Variants in GPS1 observed in about 807,000 individuals in gnomAD.
GPS1 encodes the protein COP9 signalosome complex subunit 1.
Under a neutral mutation model 60.0 loss-of-function variants are expected in GPS1, and 11 were observed. The ratio of observed to expected loss-of-function variants is 0.18; its 90% CI spans 0.12 to 0.30. The LOEUF (loss-of-function observed/expected upper bound fraction) is 0.30. Among genes scored for constraint, GPS1 ranks in the 10% least tolerant of loss-of-function variants. The pLI, the probability that GPS1 is intolerant of heterozygous loss-of-function variation, is 1.00. For missense variants in GPS1, 543 were observed against 669.2 expected (o/e 0.81, Z 2.08); for synonymous variants, 343 against 269.8 (o/e 1.27, Z -2.66).
upstream of GPS1, chr17:82,051,434 G>C (rs1598473958): frequency 7.3e-7 from 1 of 1,364,224 alleles, no homozygotes; most frequent in East Asian, 3.1e-5. The surrounding 1 kb of genome is among the most constrained non-coding windows in gnomAD (Gnocchi z 4.1). Context: ...CCTGGGCCGG[G>C]CCTAGACCCT....
chr17:82,051,062 A>C, upstream of GPS1: 1 of 1,377,524 alleles, frequency 7.3e-7, no homozygotes, highest in Non-Finnish European at 9.3e-7. This position sits in a 1 kb window ranked among gnomAD's most constrained non-coding sequence, Gnocchi z 4.1. Context: ...GGGACGTGGC[A>C]CTAGCCCCAC....
At chr17:82,054,487 C>G in intron 3 of GPS1, 23 bp from the exon 4 acceptor site, 1 of 1,480,146 alleles carries the variant, frequency 6.8e-7, no homozygotes, top group Non-Finnish European at 8.9e-7. Context: ...CGCCGCCATC[C>G]TGATGGCCAG....
In GPS1 at chr17:82,057,430, A is replaced by G; in HGVS notation, c.*303A>G. On this transcript the variant is annotated 3_prime_UTR_variant, in exon 13 of 13. Transcript: ENST00000578552. ...TCCTGTTCCCGCCTCAGTCAGGTGCAGACAAGTGGGCGGTGTCCATTAAAG... is the reference window on the plus strand; with the variant it reads ...TCCTGTTCCCGCCTCAGTCAGGTGCGGACAAGTGGGCGGTGTCCATTAAAG... 1.7e-6 allele frequency: 1 copy of G among 595,100 alleles called. No individual in the cohort carries two copies. The allele number at this position is 595,100 out of a possible 1,614,324, so 36.9% of individuals were successfully genotyped here.
chr17:82,054,463 C>G, intron 3 of GPS1, 47 bp from the exon 4 acceptor site: 1 of 1,449,950 alleles, frequency 6.9e-7, no homozygotes, highest in Non-Finnish European at 9.1e-7. Flanking sequence ...CCCCTCCTCC[C>G]TGGCCCCCGT....
chr17:82,055,810 C>T lies in GPS1; in HGVS notation c.819C>T (p.His273=). 1.3e-6 allele frequency: 2 copies of T among 1,563,330 alleles called. No individual in the cohort carries two copies. Among genetic ancestry groups the T allele is most frequent in the Non-Finnish European group, 1.7e-6 (2 of 1,153,062 alleles). ...GCCTCCTGCTGGCTTCCTTTGATCA[C>T]TGTGACTTCCCTGAGGTGAGGAGCC... ...AKCLLLASFD[H]CDFPELLSPS... The change falls in exon 7 of 13, where the codon CAC becomes CAT. Residue 273 remains histidine (H), a synonymous_variant. Transcript: ENST00000578552.
Position 82,054,528 on chromosome 17 carries a change from C to G in GPS1, c.327C>G (p.Pro109=). The change falls in exon 4 of 13, where the codon CCC becomes CCG. Residue 109 remains proline (P), a synonymous_variant. Coordinates refer to ENST00000578552, the MANE Select transcript of GPS1 (RefSeq NM_001321092.3). ...SEATRELQNA[P]DAIPESGVEP... ...CTCTCAGGGAGCTGCAGAACGCACC[C>G]GACGCCATCCCTGAGAGCGGCGTGG... 1 of 1,549,270 alleles carries G rather than the reference C, an allele frequency of 6.5e-7. No homozygotes were observed. The highest frequency in any genetic ancestry group is 8.7e-7 in the Non-Finnish European group (1 of 1,149,034).
intron 6 of GPS1, 66 bp from the exon 7 acceptor site, chr17:82,055,674 C>T (rs538068888): frequency 7.8e-6 from 9 of 1,152,796 alleles, no homozygotes; most frequent in South Asian, 4.0e-5. Context: ...CAGGCGTTAG[C>T]GGCTTCCCCA....
At chr17:82,051,789 C>G, upstream of GPS1, 1 of 1,121,056 alleles carries the variant, frequency 8.9e-7, no homozygotes, top group Middle Eastern at 3.8e-4. The surrounding 1 kb of genome is among the most constrained non-coding windows in gnomAD (Gnocchi z 4.1). Flanking sequence ...ACCCCCGGCG[C>G]TGCGAGCGGA....
In GPS1 at chr17:82,054,658, A is replaced by G. The variant is rs1298801880; in HGVS notation, c.457A>G (p.Ile153Val). ...TDLKNYKGNS[I>V]KESIRRGHDD... The stretch of plus-strand genomic sequence containing the variant: ...CCTGAAGAACTACAAGGGCAACTCC[A>G]TCAAAGAGAGCATCCGGCGCGGCCA... The change falls in exon 4 of 13, where the codon ATC (isoleucine) becomes GTC (valine). Residue 153 changes from isoleucine (I) to valine (V), a missense_variant. Transcript: ENST00000578552. 6.8e-6 allele frequency: 11 copies of G among 1,611,172 alleles called. No individual in the cohort carries two copies. Among genetic ancestry groups the G allele is most frequent in the Non-Finnish European group, 9.3e-6 (11 of 1,179,854 alleles).
chr17:82,052,338 C>G, intron 1 of GPS1: 1 of 1,612,946 alleles, frequency 6.2e-7, no homozygotes, highest in East Asian at 2.2e-5. Flanking sequence ...AGCTCGGCCT[C>G]CTCGTCAGTG....
chr17:82,055,003 C>T lies in GPS1; in HGVS notation c.687+28C>T, dbSNP rs550400070. On this transcript the variant is annotated intron_variant, in intron 5 of 12. Transcript: ENST00000578552. ...ACGGGCCACCTCCTCAGAGACCTTG[C>T]CCCCAGGATTCCTGACCACTGCTGG... is the stretch of plus-strand genomic sequence containing the variant. 2.4e-5 allele frequency: 38 copies of T among 1,612,088 alleles called. No individual in the cohort carries two copies. The East Asian group carries it at 7.8e-4, about 33-fold the overall frequency.
upstream of GPS1, chr17:82,051,204 G>A (rs2030503474): frequency 1.5e-6 from 2 of 1,305,484 alleles, no homozygotes; most frequent in East Asian, 6.2e-5. The surrounding 1 kb of genome is among the most constrained non-coding windows in gnomAD (Gnocchi z 4.1). Context: ...GCAGAGAAAG[G>A]CACCCACAGC....
intron 1 of GPS1, 89 bp from the exon 2 acceptor site, chr17:82,053,185 C>T: frequency 5.7e-6 from 6 of 1,053,018 alleles, no homozygotes; most frequent in Non-Finnish European, 7.7e-6. Flanking sequence ...AGATCTTGGG[C>T]AGAGCTGACC....
rs751271572 is a variant in GPS1, at chr17:82,054,884, C to T, written c.610-14C>T. The T allele has an allele frequency of 1.8e-5, 28 of 1,569,498 alleles. No individual in the cohort carries two copies. Among genetic ancestry groups the T allele is most frequent in the African/African-American group, 1.1e-4 (8 of 74,328 alleles). The stretch of plus-strand genomic sequence containing the variant: ...GGGCGCCCGGGCTCACTTGGCTCTG[C>T]GCCCCCCCGCCAGGTCAGCGTCTAC... On this transcript the variant is annotated splice_polypyrimidine_tract_variant and intron_variant, in intron 4 of 12. Transcript: ENST00000578552.
intron 1 of GPS1, chr17:82,052,183 C>A (rs2030868008): frequency 1.5e-6 from 2 of 1,358,768 alleles, no homozygotes; most frequent in East Asian, 2.8e-5. Flanking sequence ...CCGCGCCCGC[C>A]CCGCCTCCCC....
At chr17:82,051,322 C>G (rs771108562), upstream of GPS1, 3 of 1,446,780 alleles carry the variant, frequency 2.1e-6, 1 homozygote, top group South Asian at 4.9e-5. The surrounding 1 kb of genome is among the most constrained non-coding windows in gnomAD (Gnocchi z 4.1). Context: ...CAGGGTCGTC[C>G]CCGTCGGTGA....
intron 1 of GPS1, chr17:82,052,944 G>C (rs2031328867): frequency 3.8e-6 from 1 of 260,348 alleles, no homozygotes; most frequent in African/African-American, 2.2e-5. Flanking sequence ...GGCTGGGAAC[G>C]TGTAGGGGCC....
At chr17:82,051,380 G>A, upstream of GPS1, 4 of 1,441,768 alleles carry the variant, frequency 2.8e-6, no homozygotes, top group South Asian at 1.6e-5. The surrounding 1 kb of genome is among the most constrained non-coding windows in gnomAD (Gnocchi z 4.1). Flanking sequence ...CTGGGGCGCT[G>A]CCCAGGCCGG....
At chr17:82,051,689 C>CGGCAGT (rs2030644569), upstream of GPS1, 1 of 1,005,376 alleles carries the variant, frequency 9.9e-7, no homozygotes, top group Non-Finnish European at 1.2e-6. This position sits in a 1 kb window ranked among gnomAD's most constrained non-coding sequence, Gnocchi z 4.1. Flanking sequence ...GCAGCGGCAG[C>CGGCAGT]GGCAGTAACA....
Sources: gnomAD v4.1 joint callset for allele counts on GRCh38, gnomAD v4.1.1 for gene constraint, Gnocchi (gnomAD v3.1) non-coding constraint, MANE v1.5 for transcripts, NCBI Gene and HGNC (gene_info 2026-07-23, HGNC 2026-07-21) for gene names.